The following RNF135 variants were observed in gnomAD, a reference collection of about 807,000 sequenced individuals.
The protein encoded by RNF135 is ring finger protein 135, also known as E3 ubiquitin-protein ligase RNF135.
Under a neutral mutation model 41.9 loss-of-function variants are expected in RNF135, and 46 were observed. That is an observed-to-expected ratio of 1.10 (90% CI 0.87 to 1.40). The LOEUF is 1.40. Ranked by LOEUF, RNF135 falls within the 40% of genes most tolerant of loss-of-function variation. The pLI is 0.00. For synonymous variants in RNF135, 238 were observed against 223.8 expected (o/e 1.06, Z -0.57); for missense variants, 539 against 549.8 (o/e 0.98, Z 0.20).
At position 30,997,350 on chromosome 17, in the gene RNF135, T is replaced by G; in HGVS notation, c.769+19T>G. 6.2e-7 allele frequency: 1 copy of G among 1,607,132 alleles called. No homozygotes were observed. Among genetic ancestry groups the G allele is most frequent in the South Asian group, 1.1e-5 (1 of 90,962 alleles). ...GCTCAGTGTAAGTATGTGGTCCACTTTAAACATGGGTTTGGCTTGCCGCAG... is the reference window on the plus strand; with the variant it reads ...GCTCAGTGTAAGTATGTGGTCCACTGTAAACATGGGTTTGGCTTGCCGCAG... On this transcript the variant is annotated intron_variant, in intron 4 of 4. Transcript: ENST00000328381.
intron 3 of RNF135, among the ~76,000 whole-genome samples, chr17:30,996,222 T>C (rs758288502): frequency 1.3e-5 from 2 of 151,500 alleles, no homozygotes; most frequent in Non-Finnish European, 2.9e-5. Context: ...CCCAAGTAGC[T>C]GGGATTACAG....
chr17:30,960,416 A>G, the RNF135 span, among the ~76,000 whole-genome samples: 33 of 151,708 alleles, frequency 2.2e-4, no homozygotes, highest in Non-Finnish European at 4.3e-4. Context: ...AAAAGAAAAA[A>G]AAAAAAGCCA....
chr17:30,963,893 T>A, the RNF135 span, among the ~76,000 whole-genome samples: 1 of 151,984 alleles, frequency 6.6e-6, no homozygotes, highest in African/African-American at 2.4e-5. Context: ...GAAGGGAGGA[T>A]CACTTGAGGC....
At chr17:30,960,468 G>A in the RNF135 span, among the ~76,000 whole-genome samples, 1 of 150,866 alleles carries the variant, frequency 6.6e-6, no homozygotes, top group Non-Finnish European at 1.5e-5. Flanking sequence ...ACTCAAGGCT[G>A]AACTCCCACT....
At chr17:30,989,898 G>A (rs1282423443) in intron 3 of RNF135, among the ~76,000 whole-genome samples, 4 of 149,802 alleles carry the variant, frequency 2.7e-5, no homozygotes, top group African/African-American at 1.0e-4. Flanking sequence ...TACTCAGGAG[G>A]CAGAGGCACA....
intron 1 of RNF135, among the ~76,000 whole-genome samples, chr17:30,974,367 C>T (rs1055132505): frequency 1.3e-5 from 2 of 151,710 alleles, no homozygotes; most frequent in Non-Finnish European, 2.9e-5. Context: ...TTTTTTTCCC[C>T]AAGATTGTTT....
chr17:30,979,627 A>C (rs1318563522), intron 1 of RNF135, among the ~76,000 whole-genome samples: 6 of 90,128 alleles, frequency 6.7e-5, no homozygotes, highest in Admixed American at 1.4e-4. Context: ...GGCGCCCCTC[A>C]CCTCCCGGAC....
intron 4 of RNF135, among the ~76,000 whole-genome samples, 194 bp from the exon 5 acceptor site, chr17:30,998,468 C>T (rs968329294): frequency 6.6e-5 from 10 of 152,070 alleles, no homozygotes; most frequent in East Asian, 1.9e-4. Context: ...CATAGTGATC[C>T]GATCAAGGTA....
At chr17:30,963,465 G>A in the RNF135 span, among the ~76,000 whole-genome samples, 1 of 151,908 alleles carries the variant, frequency 6.6e-6, no homozygotes, top group Non-Finnish European at 1.5e-5. Flanking sequence ...CCAGCTACTC[G>A]GGAGGCTGAA....
intron 4 of RNF135, among the ~76,000 whole-genome samples, chr17:30,998,339 C>T (rs1009039596): frequency 2.0e-5 from 3 of 152,168 alleles, no homozygotes; most frequent in Non-Finnish European, 4.4e-5. Flanking sequence ...AGGAGTTCGA[C>T]ACCAGCCTAG....
At chr17:30,988,416 ATTTTTTTTTTTTTTTT>A (rs56955275) in intron 3 of RNF135, among the ~76,000 whole-genome samples, 19 of 81,874 alleles carry the variant, frequency 2.3e-4, no homozygotes, top group African/African-American at 5.6e-4. Flanking sequence ...GCCACTTTTA[ATTTTTTTTTTTTTTTT>A]TTTTTTTTTT....
chr17:30,970,773 G>T (rs1319653204), upstream of RNF135: 1 of 492,306 alleles, frequency 2.0e-6, no homozygotes, highest in Non-Finnish European at 3.6e-6. Context: ...CTTAATGGAG[G>T]GACATCCAGC....
intron 1 of RNF135, among the ~76,000 whole-genome samples, chr17:30,979,877 T>G (rs1598085721): frequency 9.0e-6 from 1 of 111,560 alleles, no homozygotes; most frequent in African/African-American, 3.4e-5. Context: ...CCCACCTCCC[T>G]CCCGGGCGGG....
Position 30,971,106 on chromosome 17 carries a change from C to T in RNF135, c.33C>T (p.Pro11=), listed in dbSNP as rs1261839882. 23 of 1,534,396 alleles carry T rather than the reference C, an allele frequency of 1.5e-5. No homozygotes were observed. The highest frequency in any genetic ancestry group is 1.9e-5 in the Non-Finnish European group (22 of 1,146,120). ...GCCTGGGCCTGGGCTCCGCCGTTCC[C>T]GTGTGGCTGGCCGAGGACGACCTCG... MAGLGLGSAV[P]VWLAEDDLGC... The change falls in exon 1 of 5, where the codon CCC becomes CCT. Residue 11 remains proline (P), a synonymous_variant. Transcript: ENST00000328381.
At chr17:30,962,889 G>T in the RNF135 span, among the ~76,000 whole-genome samples, 7 of 152,260 alleles carry the variant, frequency 4.6e-5, no homozygotes, top group East Asian at 9.6e-4. Context: ...TTTCACTAGT[G>T]ATGTATGAGA....
rs1198831304 is a variant in RNF135 at position 30,982,555 on chromosome 17, T to C, written c.373-2062T>C. Among the ~76,000 whole-genome samples, 4 of 152,206 alleles carry C rather than the reference T, an allele frequency of 2.6e-5. No homozygotes were observed. The East Asian group carries it at 7.7e-4, about 29-fold the overall frequency. On this transcript the variant is annotated intron_variant, in intron 1 of 4. Coordinates refer to ENST00000328381, the MANE Select transcript of RNF135 (RefSeq NM_032322.4). ...CTCTTCAGTGCCTGTTTCAGTAATA[T>C]AAAGTTAAAACCAGGTACTGTAAGT... is the stretch of plus-strand genomic sequence containing the variant.
the RNF135 span, chr17:30,965,579 A>C: frequency 6.6e-6 from 1 of 152,216 alleles, no homozygotes; most frequent in South Asian, 2.1e-4. Context: ...CATTTGCTAA[A>C]CCTTGGCAAA....
Position 30,988,120 on chromosome 17 carries a change from A to G in RNF135, c.679+14A>G. The G allele has an allele frequency of 6.2e-7, 1 of 1,613,252 alleles. No homozygotes were observed. Among genetic ancestry groups the G allele is most frequent in the Non-Finnish European group, 8.5e-7 (1 of 1,179,324 alleles). On this transcript the variant is annotated intron_variant, in intron 3 of 4. Transcript: ENST00000328381. ...CACAAATGCAGGGTGAGCTGATCTT[A>G]TTTATTGGAGGAGGATTAAATATGG...
rs1159675211 is a variant in RNF135, at chr17:30,971,311, G to C, written c.238G>C (p.Asp80His). 19 of 1,534,010 alleles carry C rather than the reference G, an allele frequency of 1.2e-5. No homozygotes were observed. The East Asian group carries it at 4.3e-4, about 35-fold the overall frequency. The change falls in exon 1 of 5, where the codon GAC becomes CAC. Residue 80 changes from aspartate (D) to histidine (H), a missense_variant. By Grantham distance (81) the Asp-to-His change is moderately conservative. Transcript: ENST00000328381. ...CCTGCGGAAGAACACGCTACTGCAG[G>C]ACCTGGCCGACAAGTACCGCCGCGC... ...PHLRKNTLLQDLADKYRRAAR... is the reference protein window; with the variant it reads ...PHLRKNTLLQHLADKYRRAAR...
Sources: gnomAD v4.1 joint callset for allele counts (sites outside exome capture counted in the v4.1 genomes callset) on GRCh38, gnomAD v4.1.1 for gene constraint, MANE v1.5 for transcripts, NCBI Gene and HGNC (gene_info 2026-07-23, HGNC 2026-07-21) for gene names.